Variants in DNHD1 observed in about 807,000 individuals in gnomAD.
DNHD1 encodes the protein dynein heavy chain domain-containing protein 1.
DNHD1 carries 383 observed loss-of-function variants against 458.1 expected under a neutral mutation model. The observed-to-expected ratio is 0.84, with a 90% CI of 0.77 to 0.91. The LOEUF is 0.91. DNHD1 is among the 40% of genes least tolerant of loss of function. The pLI is 0.00. For synonymous variants in DNHD1, 2,203 were observed against 2,376.9 expected (o/e 0.93, Z 2.13); for missense variants, 5,336 against 5,866.1 (o/e 0.91, Z 2.95).
chr11:6,502,495 G>T (rs533746163), intron 3 of DNHD1, among the ~76,000 whole-genome samples: 1 of 152,282 alleles, frequency 6.6e-6, no homozygotes, highest in East Asian at 1.9e-4. Flanking sequence ...ATGATTATTT[G>T]TTTATCAGAA....
At chr11:6,512,617 A>C (rs1414011648) in intron 7 of DNHD1, among the ~76,000 whole-genome samples, 1 of 152,050 alleles carries the variant, frequency 6.6e-6, no homozygotes, top group Non-Finnish European at 1.5e-5. Context: ...GTAATAAAAC[A>C]TTTTCATAAA....
At chr11:6,517,876 A>G (rs1019714787) in intron 7 of DNHD1, among the ~76,000 whole-genome samples, 1 of 151,944 alleles carries the variant, frequency 6.6e-6, no homozygotes, top group African/African-American at 2.4e-5. Flanking sequence ...TGCCCATCAA[A>G]TCTTTTGTAG....
At chr11:6,532,070 G>A (rs199850379) in intron 12 of DNHD1, among the ~76,000 whole-genome samples, 1 of 152,112 alleles carries the variant, frequency 6.6e-6, no homozygotes, top group Non-Finnish European at 1.5e-5. Flanking sequence ...AAGGGAATTT[G>A]TGAGGATAAA....
intron 14 of DNHD1, among the ~76,000 whole-genome samples, chr11:6,537,811 T>A (rs746774326): frequency 3.3e-5 from 5 of 152,072 alleles, no homozygotes; most frequent in Non-Finnish European, 4.4e-5. Context: ...TGCGCCTGTA[T>A]TCCCAGCTAC....
At chr11:6,504,562 G>A (rs1341592622) in intron 4 of DNHD1, among the ~76,000 whole-genome samples, 4 of 152,180 alleles carry the variant, frequency 2.6e-5, no homozygotes, top group Admixed American at 6.5e-5. Flanking sequence ...CGATTCTCTT[G>A]CCTCAGCCTC....
At position 6,563,393 on chromosome 11, in the gene DNHD1, A is replaced by T; in HGVS notation, c.9681A>T (p.Ala3227=). 2 of 1,551,698 alleles carry T rather than the reference A, an allele frequency of 1.3e-6. No individual in the cohort carries two copies. Among genetic ancestry groups the T allele is most frequent in the Non-Finnish European group, 1.7e-6 (2 of 1,146,976 alleles). Residue 3227 remains alanine (A), a synonymous_variant, in exon 30 of 43, where the codon GCA becomes GCT. Coordinates refer to ENST00000254579, the MANE Select transcript of DNHD1 (RefSeq NM_144666.3). The part of the protein sequence containing the change: ...REAFLEQMSK[A]FLEPLSQLQV... ...CTCTCCTCATTTAGATGAGCAAGGC[A>T]TTTCTGGAGCCTCTGAGCCAGCTGC...
chr11:6,501,978 C>T (rs1457512953), intron 3 of DNHD1, among the ~76,000 whole-genome samples: 2 of 152,120 alleles, frequency 1.3e-5, no homozygotes, highest in Non-Finnish European at 2.9e-5. Flanking sequence ...TTGTGTTGAT[C>T]TAAGTTTGGG....
intron 7 of DNHD1, among the ~76,000 whole-genome samples, chr11:6,519,164 A>G (rs1423279120): frequency 1.3e-5 from 2 of 152,226 alleles, no homozygotes; most frequent in South Asian, 2.1e-4. Flanking sequence ...TTCTATTATA[A>G]CATAAACCAA....
intron 18 of DNHD1, among the ~76,000 whole-genome samples, chr11:6,542,265 C>T (rs1435881185): frequency 6.6e-6 from 1 of 152,246 alleles, no homozygotes; most frequent in Non-Finnish European, 1.5e-5. Flanking sequence ...CCTGGTTCCA[C>T]ACTTTGCCAG....
At chr11:6,509,373 A>G (rs576677877) in intron 6 of DNHD1, 101 bp downstream of exon 6, 27 of 1,073,684 alleles carry the variant, frequency 2.5e-5, no homozygotes, top group Middle Eastern at 5.5e-4. Context: ...ACAAAAAAGC[A>G]CTAAGAAAAA....
In DNHD1 at chr11:6,564,772, G is replaced by A. The variant is rs753575540; in HGVS notation, c.10724G>A (p.Arg3575Gln). The A allele has an allele frequency of 2.0e-5, 30 of 1,537,732 alleles. No individual in the cohort carries two copies. The highest frequency in any genetic ancestry group is 2.6e-5 in the Non-Finnish European group (29 of 1,136,956). The change falls in exon 32 of 43, where the codon CGA becomes CAA. Residue 3575 changes from arginine to glutamine, a missense_variant. This residue lies in a region of DNHD1 where 695 missense variants were observed against 804.2 expected (regional missense o/e 0.86). Coordinates refer to ENST00000254579, the MANE Select transcript of DNHD1 (RefSeq NM_144666.3). ...WLDPLPLEEN[R>Q]SFAPALTEGR... ...GACCCGCTGCCTCTGGAAGAGAATC[G>A]ATCTTTTGCGCCAGCCCTCACTGAG...
rs1163036253 is a variant in DNHD1, at chr11:6,547,033, T to C, written c.6094T>C (p.Tyr2032His). ...CCAGCCTGTGGAAATTACCCACCTG[T>C]ACCCCAGTGGCCTCAGCCCCCAGGA... ...GCQPVEITHL[Y>H]PSGLSPQEFL... The change falls in exon 21 of 43, where the codon TAC (tyrosine) becomes CAC (histidine). Residue 2032 changes from tyrosine to histidine, a missense_variant. Coordinates refer to ENST00000254579, the MANE Select transcript of DNHD1 (RefSeq NM_144666.3). The C allele has an allele frequency of 3.2e-6, 5 of 1,551,570 alleles. No individual in the cohort carries two copies. Among genetic ancestry groups the C allele is most frequent in the Non-Finnish European group, 4.4e-6 (5 of 1,146,998 alleles).
Position 6,548,522 on chromosome 11 carries a change from C to A in DNHD1, c.7098+120C>A. The A allele has an allele frequency of 6.9e-7, 1 of 1,451,266 alleles. No individual in the cohort carries two copies. The highest frequency in any genetic ancestry group is 9.3e-7 in the Non-Finnish European group (1 of 1,072,874). 89.9% of individuals were successfully genotyped at this position (1,451,266 alleles called of 1,614,324 possible). ...CCTTTCTTTGATATATTTTCACAAT[C>A]ACAAGAATACATGAAATATTTTCCA... On this transcript the variant is annotated intron_variant, in intron 23 of 42. Transcript: ENST00000254579. This position sits in a 1 kb window ranked among gnomAD's most constrained non-coding sequence, Gnocchi z 4.4.
chr11:6,567,077 T>C lies in DNHD1; in HGVS notation c.11568T>C (p.His3856=), dbSNP rs1460157619. Residue 3856 remains histidine, a synonymous_variant, in exon 36 of 43, where the codon CAT becomes CAC. Coordinates refer to ENST00000254579, the MANE Select transcript of DNHD1 (RefSeq NM_144666.3). The part of the protein sequence containing the change: ...LWAPYRPVVW[H]GMAMVKALSQ... ...CACCCTATCGACCTGTGGTTTGGCA[T>C]GGAATGGCCATGGTAAAGGCCCTAA... is the stretch of plus-strand genomic sequence containing the variant. The C allele has an allele frequency of 1.2e-6, 2 of 1,614,032 alleles. No individual in the cohort carries two copies. The highest frequency in any genetic ancestry group is 1.7e-5 in the Admixed American group (1 of 60,026).
chr11:6,522,946 T>C lies in DNHD1; in HGVS notation c.1837+2657T>C, dbSNP rs951622246. Among the ~76,000 whole-genome samples, 2 of 152,232 alleles carry C rather than the reference T, an allele frequency of 1.3e-5. 1 individual carries two copies. The highest frequency in any genetic ancestry group is 2.9e-5 in the Non-Finnish European group (2 of 68,038). ...CTCCAATATTTTCCAGAGAACATTT[T>C]ACAACTAAACAAGAGAGTATTACTG... On this transcript the variant is annotated intron_variant, in intron 10 of 42. Coordinates refer to ENST00000254579, the MANE Select transcript of DNHD1 (RefSeq NM_144666.3).
intron 29 of DNHD1, 37 bp from the exon 30 acceptor site, chr11:6,563,345 C>A: frequency 6.5e-7 from 1 of 1,545,978 alleles, no homozygotes; most frequent in Non-Finnish European, 8.8e-7. Flanking sequence ...CAGAACATCT[C>A]AGGAGCTCAC....
At position 6,566,960 on chromosome 11, in the gene DNHD1, G is replaced by C; in HGVS notation, c.11451G>C (p.Arg3817=). ...PKRQKPAKFL[R]NIVRAQGKLC... ...GTCAGAAGCCAGCCAAGTTTCTGCG[G>C]AACATAGTGAGGGCCCAAGGAAAGC... The change falls in exon 36 of 43, where the codon CGG becomes CGC. Residue 3817 remains arginine, a synonymous_variant. Coordinates refer to ENST00000254579, the MANE Select transcript of DNHD1 (RefSeq NM_144666.3). 1 of 1,613,984 alleles carries C rather than the reference G, an allele frequency of 6.2e-7. No individual in the cohort carries two copies. Among genetic ancestry groups the C allele is most frequent in the Non-Finnish European group, 8.5e-7 (1 of 1,179,868 alleles).
intron 10 of DNHD1, among the ~76,000 whole-genome samples, chr11:6,524,702 G>T (rs570621339): frequency 1.3e-5 from 2 of 152,284 alleles, no homozygotes; most frequent in South Asian, 2.1e-4. Flanking sequence ...TGTGTATGGT[G>T]GGGGAGGTTG....
intron 14 of DNHD1, among the ~76,000 whole-genome samples, chr11:6,534,947 T>G (rs1352507212): frequency 1.3e-5 from 2 of 152,148 alleles, no homozygotes; most frequent in African/African-American, 4.8e-5. Context: ...AGGACTCACT[T>G]TGTTGCTCAG....
Sources: gnomAD v4.1 joint callset for allele counts (sites outside exome capture counted in the v4.1 genomes callset) on GRCh38, gnomAD v4.1.1 for gene constraint, gnomAD v4.1.1 regional missense constraint, Gnocchi (gnomAD v3.1) non-coding constraint, MANE v1.5 for transcripts, NCBI Gene and HGNC (gene_info 2026-07-23, HGNC 2026-07-21) for gene names.